Variants in DRC3 observed in about 807,000 individuals in gnomAD.
DRC3 encodes dynein regulatory complex subunit 3, also known as leucine rich repeat containing 48.
DRC3 carries 45 observed loss-of-function variants against 57.6 expected under a neutral mutation model. The ratio of observed to expected loss-of-function variants is 0.78; its 90% confidence interval spans 0.62 to 1.00. The LOEUF (loss-of-function observed/expected upper bound fraction) is 1.00, where lower values mean the gene tolerates loss of function less well. Among genes scored for constraint, DRC3 ranks in the 50% least tolerant of loss-of-function variants. The pLI is 0.00. For synonymous variants in DRC3, 257 were observed against 272.3 expected, an observed-to-expected ratio of 0.94 and a Z score of 0.55; for missense variants, 655 against 675.2, an observed-to-expected ratio of 0.97 and a Z score of 0.33.
intron 2 of DRC3, among the ~76,000 whole-genome samples, chr17:17,974,922 CAA>C (rs2042312295): frequency 6.6e-6 from 1 of 152,188 alleles, no homozygotes; most frequent in African/African-American, 2.4e-5. Flanking sequence ...TGATCTCACA[CAA>C]ATGCAGAAGG....
At chr17:18,009,438 C>A (rs939621581) in intron 12 of DRC3, among the ~76,000 whole-genome samples, 7 of 152,136 alleles carry the variant, frequency 4.6e-5, no homozygotes, top group African/African-American at 1.7e-4. Context: ...TAATACATCG[C>A]TGACATTTGA....
intron 3 of DRC3, among the ~76,000 whole-genome samples, chr17:17,978,299 A>C (rs1371226190): frequency 2.0e-5 from 3 of 152,138 alleles, no homozygotes; most frequent in Non-Finnish European, 4.4e-5. Context: ...TCACTGCTTC[A>C]ATGTCCCGTC....
chr17:17,988,298 G>T, intron 5 of DRC3, 200 bp downstream of exon 5: 1 of 600,076 alleles, frequency 1.7e-6, no homozygotes, highest in East Asian at 2.9e-5. Context: ...AAATTCATCG[G>T]AGAGCACTAG....
rs112082871 is a variant in DRC3, at chr17:17,998,276, C to T, written c.999+642C>T. ...GTTGATGGGGAGGAAGGGCGTTCCT[C>T]CACCCACTAGGAGCAGCAAAGGAGA... On this transcript the variant is annotated intron_variant, in intron 9 of 13. Coordinates refer to ENST00000399187, the MANE Select transcript of DRC3 (RefSeq NM_031294.4). 4.4e-3 allele frequency among the ~76,000 whole-genome samples: 668 copies of T among 152,248 alleles called. 7 individuals are homozygous for T. The highest frequency in any genetic ancestry group is 0.015 in the African/African-American group (637 of 41,550).
chr17:17,981,880 G>A (rs1303955758), intron 3 of DRC3, among the ~76,000 whole-genome samples: 2 of 151,806 alleles, frequency 1.3e-5, no homozygotes. Flanking sequence ...TAGAGACAGT[G>A]TTTTTCCATG....
intron 12 of DRC3, chr17:18,011,344 G>A: frequency 2.9e-6 from 1 of 349,968 alleles, no homozygotes; most frequent in South Asian, 2.1e-5. Context: ...TGCCATCAGG[G>A]ATTACAATGG....
At chr17:17,991,391 A>G (rs2043220930) in intron 5 of DRC3, among the ~76,000 whole-genome samples, 1 of 147,912 alleles carries the variant, frequency 6.8e-6, no homozygotes, top group Non-Finnish European at 1.5e-5. Context: ...CTTGGGTTCA[A>G]GCGATTCTCC....
chr17:18,015,879 G>A, intron 12 of DRC3, 185 bp from the exon 13 acceptor site: 1 of 627,850 alleles, frequency 1.6e-6, no homozygotes, highest in Non-Finnish European at 2.7e-6. Context: ...GTGCAGTTGG[G>A]GAAGCGGCTG....
chr17:18,003,249 C>T (rs1346245680), intron 9 of DRC3, among the ~76,000 whole-genome samples: 2 of 151,740 alleles, frequency 1.3e-5, no homozygotes, highest in Non-Finnish European at 2.9e-5. Context: ...CTCTGGGAGG[C>T]CGAGGTGGGT....
In DRC3 at chr17:17,987,950, T is replaced by C. The variant is rs1312036140; in HGVS notation, c.296T>C (p.Ile99Thr). The change falls in exon 5 of 14, where the codon ATT becomes ACT. Residue 99 changes from isoleucine (I) to threonine (T), a missense_variant. By Grantham distance (89) the Ile-to-Thr change is moderately conservative. Transcript: ENST00000399187. ...LVWLDLSFNN[I>T]ETIEGLDTLV... ...TTCCCAGATCTGTCTTTCAACAACA[T>C]TGAGACCATCGAGGGGCTGGACACA... 1 of 1,613,906 alleles carries C rather than the reference T, an allele frequency of 6.2e-7. No homozygotes were observed. Among genetic ancestry groups the C allele is most frequent in the South Asian group, 1.1e-5 (1 of 91,082 alleles).
chr17:17,986,467 T>A (rs1468615617), intron 4 of DRC3, among the ~76,000 whole-genome samples: 1 of 128,088 alleles, frequency 7.8e-6, no homozygotes, highest in African/African-American at 3.2e-5. Flanking sequence ...CCAAATCACC[T>A]TTTTTTTTTT....
intron 5 of DRC3, 25 bp from the exon 6 acceptor site, chr17:17,992,740 G>T: frequency 6.2e-7 from 1 of 1,608,978 alleles, no homozygotes; most frequent in South Asian, 1.1e-5. Context: ...CAAGAAAATG[G>T]GCCTTTCTCC....
chr17:18,002,686 C>T (rs2043787566), intron 9 of DRC3, among the ~76,000 whole-genome samples: 1 of 152,136 alleles, frequency 6.6e-6, no homozygotes, highest in Admixed American at 6.5e-5. Context: ...CCAGGTGCTT[C>T]CTGTACACGG....
chr17:17,985,120 T>A (rs1457790846), intron 4 of DRC3, among the ~76,000 whole-genome samples: 2 of 152,166 alleles, frequency 1.3e-5, no homozygotes, highest in African/African-American at 4.8e-5. Context: ...GGCCTGGCTG[T>A]CTCTCAGACA....
At chr17:18,007,198 CTG>C (rs2044010155) in intron 12 of DRC3, 51 bp downstream of exon 12, 9 of 28,742 alleles carry the variant, frequency 3.1e-4, no homozygotes, top group African/African-American at 1.2e-3. Flanking sequence ...CAGCCCAGCT[CTG>C]TGGCTGGACT....
chr17:18,006,999 G>A lies in DRC3; in HGVS notation c.1203-25G>A, dbSNP rs768886349. The A allele has an allele frequency of 2.5e-6, 4 of 1,612,276 alleles. No homozygotes were observed. In the South Asian group the frequency reaches 4.4e-5, roughly 18 times the overall value. The stretch of plus-strand genomic sequence containing the variant: ...GACGCGCCGGGCCTGCTCCTCCCGG[G>A]CCTTTGCTTAACTCGGGGCTGCACG... On this transcript the variant is annotated intron_variant, in intron 11 of 13. Coordinates refer to ENST00000399187, the MANE Select transcript of DRC3 (RefSeq NM_031294.4).
chr17:17,974,695 T>C (rs1187625277), intron 2 of DRC3, among the ~76,000 whole-genome samples: 5 of 152,176 alleles, frequency 3.3e-5, no homozygotes, highest in Admixed American at 6.6e-5. Flanking sequence ...ACCTCCTCCT[T>C]CTTTCCTGCT....
At chr17:17,994,513 T>C (rs1393864970) in intron 7 of DRC3, 95 bp downstream of exon 7, 2 of 1,466,220 alleles carry the variant, frequency 1.4e-6, no homozygotes, top group African/African-American at 1.4e-5. Context: ...CCCCAGGCTC[T>C]GAAAACACAG....
intron 8 of DRC3, among the ~76,000 whole-genome samples, chr17:17,996,588 G>C (rs939283701): frequency 2.6e-5 from 4 of 152,158 alleles, no homozygotes; most frequent in African/African-American, 9.7e-5. Context: ...TACAATTCAA[G>C]ATGAGTTTGG....
Sources: allele counts gnomAD v4.1 joint callset (sites outside exome capture counted in the v4.1 genomes callset), GRCh38; gene constraint gnomAD v4.1.1; transcripts MANE v1.5; gene names NCBI Gene and HGNC (gene_info 2026-07-23, HGNC 2026-07-21).